Variants in ASTN2 observed in about 807,000 individuals in gnomAD.
The protein encoded by ASTN2 is astrotactin 2.
In ASTN2, 54 loss-of-function variants were observed where a neutral mutation model predicts 139.8. That is an observed-to-expected ratio of 0.39 (90% CI 0.31 to 0.48). The LOEUF (loss-of-function observed/expected upper bound fraction) is 0.48, where lower values mean the gene tolerates loss of function less well. ASTN2 is among the 20% of genes least tolerant of loss of function. The pLI is 0.95. For synonymous variants in ASTN2, 756 were observed against 719.5 expected (o/e 1.05, Z -0.81); for missense variants, 1,565 against 1,725.1 (o/e 0.91, Z 1.64).
chr9:117,199,387 C>G (rs1564473660), intron 3 of ASTN2, among the ~76,000 whole-genome samples: 1 of 152,174 alleles, frequency 6.6e-6, no homozygotes, highest in Non-Finnish European at 1.5e-5. Context: ...AAGATTCTTT[C>G]CCCATTCCTT....
chr9:116,839,827 CA>C (rs1245137616), intron 11 of ASTN2, among the ~76,000 whole-genome samples: 1 of 141,320 alleles, frequency 7.1e-6, no homozygotes, highest in Non-Finnish European at 1.5e-5. Flanking sequence ...CCCGCCACCA[CA>C]CCCAGCTGAT....
intron 10 of ASTN2, among the ~76,000 whole-genome samples, chr9:116,957,034 T>G (rs145755138): frequency 4.0e-5 from 6 of 150,176 alleles, no homozygotes. Context: ...GCAGTCCCTA[T>G]CAGATTCCCA....
At chr9:117,335,778 G>GA (rs527614388) in intron 1 of ASTN2, among the ~76,000 whole-genome samples, 252 of 150,684 alleles carry the variant, frequency 1.7e-3, no homozygotes, top group Non-Finnish European at 3.0e-3. Context: ...CTCAGAGCAA[G>GA]AAGAAAAAAA....
intron 2 of ASTN2, among the ~76,000 whole-genome samples, chr9:117,233,359 A>G (rs1336861238): frequency 1.3e-5 from 2 of 152,206 alleles, no homozygotes; most frequent in African/African-American, 4.8e-5. Context: ...AAGTCGCTCA[A>G]TACCCCCTTA....
intron 19 of ASTN2, among the ~76,000 whole-genome samples, chr9:116,527,965 C>T (rs1042110934): frequency 1.3e-5 from 2 of 152,074 alleles, no homozygotes; most frequent in Non-Finnish European, 1.5e-5. Flanking sequence ...TATAAAGTAC[C>T]CAATCTTAGG....
Position 116,986,689 on chromosome 9 carries a change from G to A in ASTN2, c.1592-9904C>T, listed in dbSNP as rs13302569. Among the ~76,000 whole-genome samples the A allele has an allele frequency of 5.9e-5, 9 of 152,234 alleles. No individual in the cohort carries two copies. In the East Asian group the frequency reaches 1.4e-3, roughly 23 times the overall value. On this transcript the variant is annotated intron_variant, in intron 7 of 22. Coordinates refer to ENST00000313400, the MANE Select transcript of ASTN2 (RefSeq NM_001365068.1). Reference sequence around the variant, plus strand: ...CTATTACTAACCCCATCTTGCAGACGAGCAGACAGAGGCCCAGAGGGGTAG... The same window carrying A: ...CTATTACTAACCCCATCTTGCAGACAAGCAGACAGAGGCCCAGAGGGGTAG...
chr9:116,803,866 A>G (rs1361682415), intron 13 of ASTN2, among the ~76,000 whole-genome samples: 2 of 151,286 alleles, frequency 1.3e-5, no homozygotes, highest in Admixed American at 6.6e-5. Context: ...GAGTCTTGCA[A>G]AGTTACCTAG....
chr9:117,261,742 T>TG (rs1445112768), intron 2 of ASTN2, among the ~76,000 whole-genome samples: 10 of 152,122 alleles, frequency 6.6e-5, no homozygotes, highest in Admixed American at 6.5e-4. Context: ...GGAGTGAAAT[T>TG]GGTTAGGATT....
intron 20 of ASTN2, among the ~76,000 whole-genome samples, chr9:116,445,846 T>G (rs73520373): frequency 0.043 from 6,499 of 152,260 alleles, 403 homozygotes; most frequent in South Asian, 0.21. Flanking sequence ...TTTGTTATTA[T>G]AGTAACCAAA....
In ASTN2 at chr9:116,584,989, G is replaced by A. The variant is rs1268507945; in HGVS notation, c.3355+33335C>T. 9 of 152,352 alleles carry A rather than the reference G, an allele frequency of 5.9e-5. 1 individual carries two copies. In the Middle Eastern group the frequency reaches 0.024, roughly 403 times the overall value. 9.4% of individuals were successfully genotyped at this position (152,352 alleles called of 1,614,324 possible). A position where few individuals can be genotyped will look rare whatever the true frequency, so the allele number is the denominator to read the frequency against. On this transcript the variant is annotated intron_variant, in intron 19 of 22. Transcript: ENST00000313400. ...TAGAGAGAATGAGTGAGTGCACTAT[G>A]TTGAGAAGGAAAAGACTTTGTGCTG...
intron 16 of ASTN2, among the ~76,000 whole-genome samples, chr9:116,655,495 T>A (rs770297329): frequency 6.6e-6 from 1 of 152,202 alleles, no homozygotes; most frequent in Non-Finnish European, 1.5e-5. Context: ...TCAGCTACAA[T>A]GGCTAAATCC....
At position 117,157,304 on chromosome 9, in the gene ASTN2, A is replaced by T. The variant is rs116897330; in HGVS notation, c.1016-15826T>A. On this transcript the variant is annotated intron_variant, in intron 3 of 22. Coordinates refer to ENST00000313400, the MANE Select transcript of ASTN2 (RefSeq NM_001365068.1). ...ACATCTCTAGCAATTAGAGACTGGA[A>T]GGAAAAAAGACACATGGATCCAAGT... Among the ~76,000 whole-genome samples, 16 of 152,096 alleles carry T rather than the reference A, an allele frequency of 1.1e-4. No individual in the cohort carries two copies. In the East Asian group the frequency reaches 3.1e-3, roughly 30 times the overall value.
intron 19 of ASTN2, among the ~76,000 whole-genome samples, chr9:116,604,543 C>T (rs181248747): frequency 1.3e-5 from 2 of 152,266 alleles, no homozygotes; most frequent in East Asian, 1.9e-4. Flanking sequence ...AGAGAGCAGG[C>T]GGGTGAGGTC....
chr9:116,554,469 A>G (rs926000013), intron 19 of ASTN2, among the ~76,000 whole-genome samples: 2 of 152,216 alleles, frequency 1.3e-5, no homozygotes, highest in Non-Finnish European at 2.9e-5. Context: ...GAAAGTGTGG[A>G]ACACATCAGA....
At chr9:116,702,335 A>G (rs1028936213) in intron 16 of ASTN2, among the ~76,000 whole-genome samples, 2 of 152,112 alleles carry the variant, frequency 1.3e-5, no homozygotes, top group Admixed American at 6.6e-5. Flanking sequence ...TGGTCCAACC[A>G]TGCTAAACAG....
intron 11 of ASTN2, among the ~76,000 whole-genome samples, chr9:116,851,773 T>C (rs1054627192): frequency 3.3e-5 from 5 of 152,158 alleles, no homozygotes; most frequent in African/African-American, 1.2e-4. Context: ...ATTCCTCCAA[T>C]GGAGAACCTC....
intron 6 of ASTN2, among the ~76,000 whole-genome samples, chr9:117,031,463 G>A (rs2132634285): frequency 6.6e-6 from 1 of 152,194 alleles, no homozygotes; most frequent in South Asian, 2.1e-4. Context: ...CCTTTTAGCG[G>A]GCATCAAGTA....
intron 22 of ASTN2, among the ~76,000 whole-genome samples, chr9:116,439,398 C>A (rs2118868640): frequency 2.2e-5 from 3 of 139,408 alleles, no homozygotes; most frequent in South Asian, 6.5e-4. Flanking sequence ...GACGGGGTTT[C>A]ACCGTTTTAG....
chr9:116,661,900 T>C (rs1421584012), intron 16 of ASTN2, among the ~76,000 whole-genome samples: 6 of 151,244 alleles, frequency 4.0e-5, no homozygotes, highest in African/African-American at 1.2e-4. Flanking sequence ...AATTAGGAAA[T>C]ATACCTAATG....
Sources: allele counts gnomAD v4.1 joint callset (sites outside exome capture counted in the v4.1 genomes callset), GRCh38; gene constraint gnomAD v4.1.1; transcripts MANE v1.5; gene names NCBI Gene and HGNC (gene_info 2026-07-23, HGNC 2026-07-21).